Variants in AFF3 observed in about 807,000 individuals in gnomAD.
AFF3 encodes the protein ALF transcription elongation factor 3, also known as AF4/FMR2 family member 3.
A neutral mutation model predicts 129.7 loss-of-function variants in AFF3; 32 were observed. The ratio of observed to expected loss-of-function variants is 0.25; its 90% CI spans 0.19 to 0.33. The LOEUF (loss-of-function observed/expected upper bound fraction) is 0.33, where lower values mean the gene tolerates loss of function less well. Ranked by LOEUF, AFF3 falls within the 10% of genes least tolerant of loss-of-function variation. AFF3 has a pLI of 1.00. For missense variants in AFF3, 1,373 were observed against 1,592.0 expected, an observed-to-expected ratio of 0.86 and a Z score of 2.34; for synonymous variants, 644 against 635.4, an observed-to-expected ratio of 1.01 and a Z score of -0.20.
In AFF3 at chr2:100,015,861, T is replaced by C. The variant is rs193064105; in HGVS notation, c.54-6929A>G. Among the ~76,000 whole-genome samples the C allele has an allele frequency of 7.2e-5, 9 of 124,228 alleles. No individual in the cohort carries two copies. The East Asian group carries it at 9.7e-4, about 13-fold the overall frequency. 81.5% of individuals were successfully genotyped at this position (124,228 alleles called of 152,430 possible). A position where few individuals can be genotyped will look rare whatever the true frequency, so the allele number is the denominator to read the frequency against. ...GATGCTATAGGTGCGATGGTGGTGA[T>C]AGTGGTGGTGGTGGTGATAGTGGCA... On this transcript the variant is annotated intron_variant, in intron 4 of 24. Coordinates refer to ENST00000672756, the MANE Select transcript of AFF3 (RefSeq NM_001386135.1).
chr2:100,106,354 C>T, intron 2 of AFF3: 1 of 1,152,830 alleles, frequency 8.7e-7, no homozygotes, highest in Non-Finnish European at 1.1e-6. Context: ...TAGGTAAAAA[C>T]ATAGAGAATA....
intron 22 of AFF3, among the ~76,000 whole-genome samples, chr2:99,558,363 G>A (rs1470032016): frequency 1.3e-5 from 2 of 152,182 alleles, no homozygotes; most frequent in African/African-American, 4.8e-5. Context: ...GCTCACACCT[G>A]TATTCCTAGC....
At chr2:99,835,046 G>A (rs1341250718) in intron 8 of AFF3, among the ~76,000 whole-genome samples, 2 of 152,078 alleles carry the variant, frequency 1.3e-5, no homozygotes, top group Non-Finnish European at 2.9e-5. Context: ...ATGAATTTAT[G>A]ATTTCCGCCC....
chr2:99,996,189 G>C (rs1197012372), intron 7 of AFF3, among the ~76,000 whole-genome samples: 1 of 152,120 alleles, frequency 6.6e-6, no homozygotes, highest in Admixed American at 6.5e-5. Flanking sequence ...AGTATTGAAT[G>C]TTACCAAAAA....
chr2:99,735,188 CAT>C lies in AFF3; in HGVS notation c.1040-8062_1040-8061del, dbSNP rs774159028. 2.0e-4 allele frequency among the ~76,000 whole-genome samples: 31 copies of C among 152,202 alleles called. 1 individual carries two copies. Among genetic ancestry groups the C allele is most frequent in the South Asian group, 1.7e-3 (8 of 4,822 alleles). On this transcript the variant is annotated intron_variant, in intron 10 of 24. Transcript: ENST00000672756. ...AATTTTGGTATAATTTTGCACATAA[CAT>C]ATTTTTGTTCTTGATCTGCATCACA...
At chr2:99,791,844 T>C (rs1685215708) in intron 8 of AFF3, among the ~76,000 whole-genome samples, 2 of 151,850 alleles carry the variant, frequency 1.3e-5, no homozygotes, top group Admixed American at 1.3e-4. Context: ...TTTTTTTTAA[T>C]TTTGCTGTTT....
rs373676795 is a variant in AFF3 at position 99,780,242 on chromosome 2, G to A, written c.922-27941C>T. 2.0e-3 allele frequency among the ~76,000 whole-genome samples: 306 copies of A among 152,216 alleles called. 17 individuals are homozygous for A. The South Asian group carries it at 0.061, about 30-fold the overall frequency. On this transcript the variant is annotated intron_variant, in intron 8 of 24. Transcript: ENST00000672756. ...ATTCCAGTCTGTGCTTCAAGCTGAC[G>A]CTGGTCTGGCATTCCTGGGGCTGAT...
chr2:100,015,205 G>A lies in AFF3; in HGVS notation c.54-6273C>T, dbSNP rs143222030. Among the ~76,000 whole-genome samples the A allele has an allele frequency of 2.1e-3, 315 of 152,148 alleles. 1 individual carries two copies. The highest frequency in any genetic ancestry group is 7.0e-3 in the African/African-American group (292 of 41,508). ...TTGCTACCTCACTCTAAACAGGTTC[G>A]TCTGATCCCTTCCTAAGAGCAGATT... is the stretch of plus-strand genomic sequence containing the variant. On this transcript the variant is annotated intron_variant, in intron 4 of 24. Transcript: ENST00000672756.
intron 9 of AFF3, among the ~76,000 whole-genome samples, chr2:99,745,902 T>TA (rs2105154706): frequency 6.6e-6 from 1 of 152,288 alleles, no homozygotes; most frequent in Non-Finnish European, 1.5e-5. Context: ...TATGTTCTTA[T>TA]AAGTGGGAGT....
intron 8 of AFF3, among the ~76,000 whole-genome samples, chr2:99,835,079 CTAAT>C (rs1688763572): frequency 1.3e-5 from 2 of 152,136 alleles, no homozygotes; most frequent in African/African-American, 4.8e-5. Flanking sequence ...AGGATCTTCC[CTAAT>C]GTTTCCCATG....
At chr2:99,774,136 A>G (rs1484561365) in intron 8 of AFF3, among the ~76,000 whole-genome samples, 2 of 152,220 alleles carry the variant, frequency 1.3e-5, no homozygotes, top group South Asian at 4.1e-4. Context: ...GGAAGAATCG[A>G]TATCATGAAA....
At chr2:99,902,225 C>T (rs920884141) in intron 7 of AFF3, among the ~76,000 whole-genome samples, 2 of 151,572 alleles carry the variant, frequency 1.3e-5, no homozygotes, top group South Asian at 4.2e-4. Flanking sequence ...TAATTTATAG[C>T]CCTGTAAATT....
At chr2:99,551,702 G>A in intron 24 of AFF3, 107 bp from the exon 25 acceptor site, 2 of 1,386,692 alleles carry the variant, frequency 1.4e-6, no homozygotes, top group Non-Finnish European at 2.0e-6. Flanking sequence ...ATAAATCAAG[G>A]ATTCTCCGTT....
At chr2:99,844,127 G>C (rs1445881681) in intron 7 of AFF3, among the ~76,000 whole-genome samples, 1 of 151,866 alleles carries the variant, frequency 6.6e-6, no homozygotes, top group African/African-American at 2.4e-5. Context: ...GACCTGAAAG[G>C]GACTGAGCTA....
intron 18 of AFF3, among the ~76,000 whole-genome samples, chr2:99,569,258 T>C (rs1483168597): frequency 6.6e-6 from 1 of 152,192 alleles, no homozygotes; most frequent in African/African-American, 2.4e-5. Context: ...CATAAAACAA[T>C]CCCCTTTTAA....
At chr2:99,690,182 ATTATTATT>A (rs1452231343) in intron 11 of AFF3, among the ~76,000 whole-genome samples, 6 of 133,102 alleles carry the variant, frequency 4.5e-5, no homozygotes, top group African/African-American at 2.0e-4. Flanking sequence ...TATTATTATT[ATTATTATT>A]ATTATTATTT....
intron 2 of AFF3, among the ~76,000 whole-genome samples, chr2:100,120,221 C>CTAGAATATG (rs1488283058): frequency 6.6e-6 from 1 of 152,182 alleles, no homozygotes; most frequent in Non-Finnish European, 1.5e-5. Context: ...CTAGGCCCAG[C>CTAGAATATG]TAGAATATGT....
chr2:99,620,456 C>A (rs1275981881), intron 13 of AFF3, among the ~76,000 whole-genome samples: 1 of 152,098 alleles, frequency 6.6e-6, no homozygotes, highest in Admixed American at 6.5e-5. Flanking sequence ...TAGTGAGACC[C>A]CTGTTTCTGC....
intron 4 of AFF3, among the ~76,000 whole-genome samples, chr2:100,079,768 T>C (rs1688891944): frequency 6.6e-6 from 1 of 152,170 alleles, no homozygotes; most frequent in African/African-American, 2.4e-5. Flanking sequence ...GTTTGCTCCT[T>C]GGTCTGAAGC....
Sources: allele counts gnomAD v4.1 joint callset (sites outside exome capture counted in the v4.1 genomes callset), GRCh38; gene constraint gnomAD v4.1.1; transcripts MANE v1.5; gene names NCBI Gene and HGNC (gene_info 2026-07-23, HGNC 2026-07-21).